FDCSP: variants seen among roughly 807,000 people sequenced by gnomAD.
FDCSP encodes the protein follicular dendritic cell secreted peptide.
Under a neutral mutation model 8.9 loss-of-function variants are expected in FDCSP, and 8 were observed. That is an observed-to-expected ratio of 0.90 (90% CI 0.53 to 1.63). The LOEUF (loss-of-function observed/expected upper bound fraction) is 1.63, where lower values mean the gene tolerates loss of function less well. Ranked by LOEUF, FDCSP falls within the 40% of genes most tolerant of loss-of-function variation. The pLI, the probability that FDCSP is intolerant of heterozygous loss-of-function variation, is 0.00. For synonymous variants in FDCSP, 34 were observed against 34.5 expected (o/e 0.98, Z 0.06); for missense variants, 101 against 103.6 (o/e 0.98, Z 0.11).
At chr4:70,228,243 A>C (rs1433965504) in intron 1 of FDCSP, among the ~76,000 whole-genome samples, 1 of 151,886 alleles carries the variant, frequency 6.6e-6, no homozygotes, top group Non-Finnish European at 1.5e-5. Flanking sequence ...CATCTTCACC[A>C]GGAGTAGATT....
At chr4:70,234,460 C>A (rs1441284448) in intron 4 of FDCSP, among the ~76,000 whole-genome samples, 1 of 151,520 alleles carries the variant, frequency 6.6e-6, no homozygotes, top group Non-Finnish European at 1.5e-5. Flanking sequence ...GAAACAATTT[C>A]AATTTTATTA....
intron 2 of FDCSP, 89 bp downstream of exon 2, chr4:70,231,340 G>A (rs1026461317): frequency 1.9e-5 from 20 of 1,066,782 alleles, no homozygotes; most frequent in Non-Finnish European, 2.6e-5. Context: ...CACAAGGGTG[G>A]TCCCAAAAGA....
At position 70,235,198 on chromosome 4, in the gene FDCSP, T is replaced by C. The variant is rs571983689; in HGVS notation, c.*142T>C. On this transcript the variant is annotated 3_prime_UTR_variant, in exon 5 of 5. Coordinates refer to ENST00000317987, the MANE Select transcript of FDCSP (RefSeq NM_152997.4). ...AGCATTCTCTAGTCAATATCTTTAGTGATCTTCTTTAATAAACTTGAAAGC... is the reference window on the plus strand; with the variant it reads ...AGCATTCTCTAGTCAATATCTTTAGCGATCTTCTTTAATAAACTTGAAAGC... 1.8e-4 allele frequency: 27 copies of C among 151,942 alleles called. No homozygotes were observed. Among genetic ancestry groups the C allele is most frequent in the African/African-American group, 6.5e-4 (27 of 41,522 alleles). The allele number at this position is 151,942 out of a possible 1,614,324, so 9.4% of individuals were successfully genotyped here. A position where few individuals can be genotyped will look rare whatever the true frequency, so the allele number is the denominator to read the frequency against.
rs1313010912 is a variant in FDCSP, at chr4:70,226,131, T to C, written c.-52T>C. ...CTACAATATTCCAGGGCCAGTCACT[T>C]GCCATTTCTCATAACAGCGTCAGAG... On this transcript the variant is annotated 5_prime_UTR_variant, in exon 1 of 5. Coordinates refer to ENST00000317987, the MANE Select transcript of FDCSP (RefSeq NM_152997.4). 1.3e-5 allele frequency: 2 copies of C among 151,962 alleles called. No individual in the cohort carries two copies. The highest frequency in any genetic ancestry group is 2.4e-5 in the African/African-American group (1 of 41,420). The allele number at this position is 151,962 out of a possible 1,614,324, so 9.4% of individuals were successfully genotyped here. A position where few individuals can be genotyped will look rare whatever the true frequency, so the allele number is the denominator to read the frequency against.
intron 1 of FDCSP, among the ~76,000 whole-genome samples, chr4:70,227,029 G>T (rs1172173228): frequency 6.6e-6 from 1 of 151,610 alleles, no homozygotes; most frequent in Non-Finnish European, 1.5e-5. Flanking sequence ...AAAATATTTT[G>T]CAATTTCTAC....
At chr4:70,233,150 A>T (rs1170298854) in intron 3 of FDCSP, 124 bp downstream of exon 3, 1 of 767,374 alleles carries the variant, frequency 1.3e-6, no homozygotes, top group Non-Finnish European at 2.1e-6. Context: ...AGCTTTTGGT[A>T]TTAGCACTCA....
intron 4 of FDCSP, among the ~76,000 whole-genome samples, chr4:70,234,585 G>A (rs1730143823): frequency 6.6e-6 from 1 of 151,584 alleles, no homozygotes; most frequent in African/African-American, 2.4e-5. Flanking sequence ...TGGGCCTAGA[G>A]TTTAAAGTAG....
intron 1 of FDCSP, among the ~76,000 whole-genome samples, chr4:70,228,498 C>T (rs139022829): frequency 6.6e-6 from 1 of 151,906 alleles, no homozygotes; most frequent in East Asian, 1.9e-4. Context: ...TTTTGGCCTC[C>T]TCCTATGAAT....
intron 1 of FDCSP, 58 bp downstream of exon 1, chr4:70,226,240 T>C (rs1226685696): frequency 6.6e-6 from 1 of 151,954 alleles, no homozygotes; most frequent in African/African-American, 2.4e-5. Context: ...TTTGTAAATA[T>C]AGATATATAG....
intron 4 of FDCSP, among the ~76,000 whole-genome samples, 189 bp downstream of exon 4, chr4:70,234,404 C>G (rs761204107): frequency 3.3e-5 from 5 of 151,660 alleles, no homozygotes; most frequent in African/African-American, 9.7e-5. Context: ...CTTCCATGAT[C>G]TAACCAGCAC....
intron 2 of FDCSP, among the ~76,000 whole-genome samples, chr4:70,231,543 G>C (rs1040404689): frequency 7.9e-5 from 12 of 151,636 alleles, no homozygotes; most frequent in Non-Finnish European, 1.3e-4. Flanking sequence ...ATAGGGCAAT[G>C]CATTAGTCAT....
At chr4:70,227,456 G>C (rs777797) in intron 1 of FDCSP, among the ~76,000 whole-genome samples, 4 of 151,572 alleles carry the variant, frequency 2.6e-5, no homozygotes, top group Non-Finnish European at 1.5e-5. Context: ...TCTCATAGAT[G>C]TATAGGAAAC....
At chr4:70,226,444 G>A (rs1203963976) in intron 1 of FDCSP, among the ~76,000 whole-genome samples, 6 of 151,718 alleles carry the variant, frequency 4.0e-5, no homozygotes, top group Non-Finnish European at 7.4e-5. Context: ...ATCTTTCTAG[G>A]AGTGGAGCAC....
chr4:70,233,248 A>T (rs1052359617), intron 3 of FDCSP, among the ~76,000 whole-genome samples: 7 of 151,830 alleles, frequency 4.6e-5, no homozygotes, highest in African/African-American at 1.7e-4. Flanking sequence ...ATTGGATTGA[A>T]ATCCGAATCA....
intron 2 of FDCSP, 76 bp from the exon 3 acceptor site, chr4:70,232,918 T>C: frequency 8.7e-7 from 1 of 1,145,636 alleles, no homozygotes; most frequent in Non-Finnish European, 1.3e-6. Flanking sequence ...GGTAATAGAT[T>C]GTCATGCATA....
chr4:70,228,354 C>T (rs553669881), intron 1 of FDCSP, among the ~76,000 whole-genome samples: 20 of 151,848 alleles, frequency 1.3e-4, no homozygotes, highest in Middle Eastern at 3.4e-3. Context: ...CATGTTCAAG[C>T]TTCACTTCTA....
chr4:70,227,885 C>A (rs1389091140), intron 1 of FDCSP, among the ~76,000 whole-genome samples: 1 of 151,798 alleles, frequency 6.6e-6, no homozygotes, highest in Non-Finnish European at 1.5e-5. Flanking sequence ...AAAATGCTAA[C>A]AATTATCTCA....
At chr4:70,234,299 A>C in intron 4 of FDCSP, 84 bp downstream of exon 4, 2 of 1,165,888 alleles carry the variant, frequency 1.7e-6, no homozygotes, top group Non-Finnish European at 2.4e-6. Context: ...AATGTTAACT[A>C]TGTCCCTAGT....
chr4:70,233,930 A>T (rs1730129956), intron 3 of FDCSP, 90 bp from the exon 4 acceptor site: 2 of 1,241,264 alleles, frequency 1.6e-6, no homozygotes, highest in Non-Finnish European at 2.2e-6. Context: ...CTTCCTAAAA[A>T]TAAAGGCCCA....
Sources: gnomAD v4.1 joint callset for allele counts (sites outside exome capture counted in the v4.1 genomes callset) on GRCh38, gnomAD v4.1.1 for gene constraint, MANE v1.5 for transcripts, NCBI Gene and HGNC (gene_info 2026-07-23, HGNC 2026-07-21) for gene names.